PDE3A: variants seen among roughly 807,000 people sequenced by gnomAD.
The protein encoded by PDE3A is cGMP-inhibited 3',5'-cyclic phosphodiesterase 3A.
In PDE3A, 43 loss-of-function variants were observed where a neutral mutation model predicts 98.3. That is an observed-to-expected ratio of 0.44 (90% CI 0.34 to 0.56). The LOEUF (loss-of-function observed/expected upper bound fraction) is 0.56. Ranked by LOEUF, PDE3A falls within the 20% of genes least tolerant of loss-of-function variation. PDE3A has a pLI of 0.01. For synonymous variants in PDE3A, 663 were observed against 567.9 expected (o/e 1.17, Z -2.38); for missense variants, 1,427 against 1,440.7 (o/e 0.99, Z 0.15).
At chr12:20,382,920 A>G (rs1591864618) in intron 1 of PDE3A, among the ~76,000 whole-genome samples, 3 of 152,108 alleles carry the variant, frequency 2.0e-5, no homozygotes, top group Admixed American at 2.0e-4. Context: ...ACAAAAACTC[A>G]CAAGTCTTAC....
In PDE3A at chr12:20,368,789, G is replaced by A. The variant is rs1207689552; in HGVS notation, c.-496G>A. 6.6e-6 allele frequency among the ~76,000 whole-genome samples: 1 copy of A among 151,928 alleles called. No individual in the cohort carries two copies. The highest frequency in any genetic ancestry group is 2.0e-4 in the East Asian group (1 of 5,114). On this transcript the variant is annotated 5_prime_UTR_variant, in exon 1 of 16. Coordinates refer to ENST00000359062, the MANE Select transcript of PDE3A (RefSeq NM_000921.5). ...GAGAAGGGAGACCTCCATCTGCCGC[G>A]GGCCCGGCGCGCTGCAGCGCAGCGC...
chr12:20,543,949 A>G (rs1381771692), intron 1 of PDE3A, among the ~76,000 whole-genome samples: 1 of 151,894 alleles, frequency 6.6e-6, no homozygotes, highest in African/African-American at 2.4e-5. Flanking sequence ...GCACAAAGAC[A>G]TTATATAACT....
intron 1 of PDE3A, among the ~76,000 whole-genome samples, chr12:20,380,358 G>C (rs1376113167): frequency 6.6e-6 from 1 of 151,856 alleles, no homozygotes; most frequent in African/African-American, 2.4e-5. Context: ...CATAATTGCA[G>C]AATCAAGTTG....
chr12:20,552,957 G>T lies in PDE3A; in HGVS notation c.961-3703G>T. On this transcript the variant is annotated intron_variant, in intron 1 of 15. Coordinates refer to ENST00000359062, the MANE Select transcript of PDE3A (RefSeq NM_000921.5). The surrounding 1 kb of genome is among the most constrained non-coding windows in gnomAD (Gnocchi z 5.1). ...GCAGCTATGCCATGCAGGTGAACCA[G>T]CCTCTGCAGACCGTCCTCAACCAGC... 2 of 1,574,996 alleles carry T rather than the reference G, an allele frequency of 1.3e-6. No individual in the cohort carries two copies. The highest frequency in any genetic ancestry group is 1.7e-6 in the Non-Finnish European group (2 of 1,160,438).
At chr12:20,401,619 T>C (rs1944132091) in intron 1 of PDE3A, among the ~76,000 whole-genome samples, 1 of 152,150 alleles carries the variant, frequency 6.6e-6, no homozygotes, top group Non-Finnish European at 1.5e-5. Flanking sequence ...CCAGCTTAGG[T>C]TGAAATTTTA....
chr12:20,598,163 TTTC>T (rs1296570072), intron 2 of PDE3A, among the ~76,000 whole-genome samples: 2 of 151,588 alleles, frequency 1.3e-5, no homozygotes, highest in Non-Finnish European at 2.9e-5. Flanking sequence ...CTGACTTTTA[TTTC>T]TTTTTTTAAT....
chr12:20,472,013 A>T (rs932428659), intron 1 of PDE3A, among the ~76,000 whole-genome samples: 16 of 152,122 alleles, frequency 1.1e-4, no homozygotes, highest in African/African-American at 3.6e-4. Context: ...TCTGAATTTA[A>T]TACCAAAAGA....
At chr12:20,530,587 C>T (rs1156239147) in intron 1 of PDE3A, among the ~76,000 whole-genome samples, 1 of 151,616 alleles carries the variant, frequency 6.6e-6, no homozygotes, top group Non-Finnish European at 1.5e-5. Flanking sequence ...AGCTCAGCCA[C>T]ACTCTGCGTA....
rs528628081 is a variant in PDE3A at position 20,539,734 on chromosome 12, C to A, written c.961-16926C>A. ...GAAGAATGAAAATGAGCTGACAATG[C>A]TAAGAAAATGGGAAAATGTATTCTA... On this transcript the variant is annotated intron_variant, in intron 1 of 15. Transcript: ENST00000359062. Among the ~76,000 whole-genome samples the A allele has an allele frequency of 2.4e-4, 36 of 152,080 alleles. 1 individual carries two copies. The South Asian group carries it at 5.0e-3, about 21-fold the overall frequency.
chr12:20,391,943 C>T (rs757065008), intron 1 of PDE3A, among the ~76,000 whole-genome samples: 3 of 151,928 alleles, frequency 2.0e-5, no homozygotes, highest in Non-Finnish European at 2.9e-5. Flanking sequence ...TAAGCATCAA[C>T]CCTCAACCTA....
intron 2 of PDE3A, among the ~76,000 whole-genome samples, chr12:20,561,779 C>G (rs1380918798): frequency 6.6e-6 from 1 of 152,080 alleles, no homozygotes; most frequent in Non-Finnish European, 1.5e-5. Context: ...TTAAGATGCA[C>G]CATTCATATC....
At chr12:20,432,033 G>C (rs1944706745) in intron 1 of PDE3A, among the ~76,000 whole-genome samples, 1 of 152,112 alleles carries the variant, frequency 6.6e-6, no homozygotes, top group South Asian at 2.1e-4. Context: ...TTTGCAAAGA[G>C]CAGTGATAAT....
At position 20,552,359 on chromosome 12, in the gene PDE3A, G is replaced by A; in HGVS notation, c.961-4301G>A. 3.1e-6 allele frequency: 5 copies of A among 1,613,848 alleles called. No homozygotes were observed. The highest frequency in any genetic ancestry group is 3.4e-6 in the Non-Finnish European group (4 of 1,179,884). ...GGGAAGTCCGGGTTTCTCGTGTGGC[G>A]CTACCTTCTGCGGAGGGACGATGAT... On this transcript the variant is annotated intron_variant, in intron 1 of 15. Coordinates refer to ENST00000359062, the MANE Select transcript of PDE3A (RefSeq NM_000921.5). This position sits in a 1 kb window ranked among gnomAD's most constrained non-coding sequence, Gnocchi z 5.1.
At chr12:20,481,985 C>T (rs954521905) in intron 1 of PDE3A, among the ~76,000 whole-genome samples, 3 of 151,664 alleles carry the variant, frequency 2.0e-5, no homozygotes, top group Non-Finnish European at 4.4e-5. Flanking sequence ...AGGATGGTCT[C>T]GATCTCCTGA....
At chr12:20,668,815 G>A (rs967493325) in intron 15 of PDE3A, among the ~76,000 whole-genome samples, 4 of 151,834 alleles carry the variant, frequency 2.6e-5, no homozygotes, top group African/African-American at 9.7e-5. Flanking sequence ...AAGGAACGCA[G>A]TTCCTCACCA....
intron 2 of PDE3A, among the ~76,000 whole-genome samples, chr12:20,569,982 CAAG>C (rs763970879): frequency 5.3e-5 from 8 of 152,164 alleles, no homozygotes; most frequent in Non-Finnish European, 1.0e-4. Context: ...TACATAATTT[CAAG>C]AAGGATATTG....
At chr12:20,440,336 G>A (rs1215542364) in intron 1 of PDE3A, among the ~76,000 whole-genome samples, 2 of 152,070 alleles carry the variant, frequency 1.3e-5, no homozygotes, top group African/African-American at 4.8e-5. Flanking sequence ...GGTTGCTTGG[G>A]ACTGAGTATA....
intron 15 of PDE3A, among the ~76,000 whole-genome samples, chr12:20,671,284 G>A (rs1482751001): frequency 8.0e-5 from 12 of 150,406 alleles, no homozygotes; most frequent in African/African-American, 2.7e-4. Flanking sequence ...GGAGGAACTG[G>A]TACCATTCCT....
chr12:20,598,757 T>G (rs755512850), intron 2 of PDE3A, among the ~76,000 whole-genome samples: 5 of 152,224 alleles, frequency 3.3e-5, no homozygotes, highest in Non-Finnish European at 7.3e-5. Flanking sequence ...ATTATAGGAA[T>G]AAATCTATTT....
Sources: allele counts gnomAD v4.1 joint callset (sites outside exome capture counted in the v4.1 genomes callset), GRCh38; gene constraint gnomAD v4.1.1; non-coding constraint Gnocchi (gnomAD v3.1); transcripts MANE v1.5; gene names NCBI Gene and HGNC (gene_info 2026-07-23, HGNC 2026-07-21).